Variants in UST observed in about 807,000 individuals in gnomAD.
UST encodes the protein uronyl 2-sulfotransferase.
UST carries 21 observed loss-of-function variants against 45.6 expected under a neutral mutation model. The observed-to-expected ratio is 0.46, with a 90% CI of 0.33 to 0.66. The LOEUF (loss-of-function observed/expected upper bound fraction) is 0.66. Among genes scored for constraint, UST ranks in the 30% least tolerant of loss-of-function variants. The pLI is 0.02. For synonymous variants in UST, 215 were observed against 200.6 expected (o/e 1.07, Z -0.61); for missense variants, 463 against 512.4 (o/e 0.90, Z 0.93).
At chr6:148,755,308 C>T (rs1424300804) in intron 1 of UST, among the ~76,000 whole-genome samples, 4 of 152,106 alleles carry the variant, frequency 2.6e-5, no homozygotes. Context: ...ACGTATGTTT[C>T]TCTTGAGTAA....
intron 1 of UST, among the ~76,000 whole-genome samples, chr6:148,752,232 G>A (rs1004334181): frequency 5.9e-5 from 9 of 152,246 alleles, no homozygotes; most frequent in African/African-American, 2.2e-4. Context: ...GAAAATAGAG[G>A]TCCATATCTG....
chr6:148,941,422 T>A lies in UST; in HGVS notation c.435T>A (p.Thr145=). The change falls in exon 3 of 8, where the codon ACT becomes ACA. Residue 145 remains threonine (T), a synonymous_variant. Transcript: ENST00000367463. ...ACATTCACAACAAAACCAGGCTTAC[T>A]AAAAATGAACAAGTAAGTTGACTTT... The part of the protein sequence containing the change: ...TSDIHNKTRL[T]KNEQMELIKN... 1 of 1,587,698 alleles carries A rather than the reference T, an allele frequency of 6.3e-7. No individual in the cohort carries two copies. The highest frequency in any genetic ancestry group is 2.0e-5 in the Admixed American group (1 of 50,544).
intron 7 of UST, among the ~76,000 whole-genome samples, chr6:149,048,236 C>CAT (rs1372475409): frequency 6.6e-6 from 1 of 151,468 alleles, no homozygotes; most frequent in Non-Finnish European, 1.5e-5. Flanking sequence ...CAGTAAAACA[C>CAT]ATATTTATAC....
rs559752667 is a variant in UST, at chr6:148,934,437, C to T, written c.292-6842C>T. On this transcript the variant is annotated intron_variant, in intron 2 of 7. Coordinates refer to ENST00000367463, the MANE Select transcript of UST (RefSeq NM_005715.3). The surrounding 1 kb of genome is among the most constrained non-coding windows in gnomAD (Gnocchi z 4.1). Reference sequence around the variant, plus strand: ...TGCTAAGGGTCTAATGCTTTAACAACATTCAGTATAAATTTCAGTTAACCT... The same window carrying T: ...TGCTAAGGGTCTAATGCTTTAACAATATTCAGTATAAATTTCAGTTAACCT... 6.6e-6 allele frequency among the ~76,000 whole-genome samples: 1 copy of T among 152,344 alleles called. No individual in the cohort carries two copies. The highest frequency in any genetic ancestry group is 1.9e-4 in the East Asian group (1 of 5,194).
At chr6:148,863,132 A>T (rs1228972286) in intron 1 of UST, among the ~76,000 whole-genome samples, 5 of 152,130 alleles carry the variant, frequency 3.3e-5, no homozygotes, top group Non-Finnish European at 7.4e-5. Flanking sequence ...TTTCAGGTAC[A>T]CCAATCAGAC....
At chr6:148,974,319 TA>T (rs35513894) in intron 5 of UST, among the ~76,000 whole-genome samples, 19 of 149,192 alleles carry the variant, frequency 1.3e-4, no homozygotes, top group East Asian at 3.9e-4. Context: ...CTTATAATAT[TA>T]AAAAAAAAAA....
intron 2 of UST, among the ~76,000 whole-genome samples, chr6:148,896,554 G>A (rs115916655): frequency 0.011 from 1,700 of 152,266 alleles, 25 homozygotes; most frequent in African/African-American, 0.037. Flanking sequence ...AAGAACTGGC[G>A]TTCTCAAGAA....
intron 2 of UST, among the ~76,000 whole-genome samples, chr6:148,901,757 C>T (rs1168057971): frequency 6.6e-6 from 1 of 152,088 alleles, no homozygotes; most frequent in Non-Finnish European, 1.5e-5. Flanking sequence ...GGGGGTTTTG[C>T]CATGTTGGCC....
chr6:149,029,246 T>C (rs773727541), intron 7 of UST, among the ~76,000 whole-genome samples: 3 of 151,226 alleles, frequency 2.0e-5, no homozygotes, highest in Admixed American at 1.3e-4. Flanking sequence ...GGGTGGAGTT[T>C]TGCAATCAAA....
intron 4 of UST, among the ~76,000 whole-genome samples, chr6:148,964,048 T>C (rs1031095354): frequency 1.2e-4 from 18 of 152,310 alleles, no homozygotes; most frequent in East Asian, 1.9e-4. Context: ...GTTCTAGCCA[T>C]TGGAAATACT....
At chr6:149,010,840 C>T (rs143697256) in intron 5 of UST, among the ~76,000 whole-genome samples, 56 of 146,538 alleles carry the variant, frequency 3.8e-4, no homozygotes, top group African/African-American at 1.4e-3. Context: ...TGCAGTGAGC[C>T]GAGATCGCGC....
chr6:148,931,975 T>A (rs1779928774), intron 2 of UST, among the ~76,000 whole-genome samples: 1 of 152,236 alleles, frequency 6.6e-6, no homozygotes, highest in Non-Finnish European at 1.5e-5. Flanking sequence ...CACTCTCCCA[T>A]TGTGCTTACA....
intron 1 of UST, among the ~76,000 whole-genome samples, chr6:148,818,093 C>A (rs989440839): frequency 6.6e-6 from 1 of 152,256 alleles, no homozygotes; most frequent in East Asian, 1.9e-4. Context: ...CAAATAAGAC[C>A]TTCACCAGGA....
intron 1 of UST, among the ~76,000 whole-genome samples, chr6:148,837,033 G>A (rs187164073): frequency 3.3e-5 from 5 of 152,084 alleles, no homozygotes; most frequent in African/African-American, 7.2e-5. Flanking sequence ...AGATCATTCC[G>A]TGGATATTTG....
chr6:148,845,641 T>C (rs563064648), intron 1 of UST, among the ~76,000 whole-genome samples: 2 of 152,334 alleles, frequency 1.3e-5, no homozygotes, highest in East Asian at 3.9e-4. Flanking sequence ...GGGTAAATAC[T>C]TAACTGTGTA....
intron 1 of UST, among the ~76,000 whole-genome samples, chr6:148,827,553 T>C (rs1777595574): frequency 6.6e-6 from 1 of 151,274 alleles, no homozygotes; most frequent in Non-Finnish European, 1.5e-5. Flanking sequence ...GAGGTGGAGA[T>C]TGCAATGAGC....
At chr6:149,036,129 G>T (rs1304928554) in intron 7 of UST, among the ~76,000 whole-genome samples, 1 of 152,202 alleles carries the variant, frequency 6.6e-6, no homozygotes, top group East Asian at 1.9e-4. Context: ...TCGGTATGGA[G>T]CCTCTGCCCA....
intron 1 of UST, among the ~76,000 whole-genome samples, chr6:148,827,624 A>G (rs1233223405): frequency 7.0e-6 from 1 of 142,956 alleles, no homozygotes; most frequent in African/African-American, 2.5e-5. Context: ...TCAAAAAAGG[A>G]AAAAAAAAAA....
intron 1 of UST, among the ~76,000 whole-genome samples, chr6:148,823,157 C>A (rs1247024369): frequency 6.6e-6 from 1 of 152,164 alleles, no homozygotes; most frequent in African/African-American, 2.4e-5. Context: ...TGTAAAATAT[C>A]ACATGAAGTG....
Sources: gnomAD v4.1 joint callset for allele counts (sites outside exome capture counted in the v4.1 genomes callset) on GRCh38, gnomAD v4.1.1 for gene constraint, Gnocchi (gnomAD v3.1) non-coding constraint, MANE v1.5 for transcripts, NCBI Gene and HGNC (gene_info 2026-07-23, HGNC 2026-07-21) for gene names.